Variants in COL22A1 observed in about 807,000 individuals in gnomAD.
COL22A1 encodes collagen alpha-1(XXII) chain.
A neutral mutation model predicts 248.9 loss-of-function variants in COL22A1; 221 were observed. The observed-to-expected ratio is 0.89, with a 90% CI of 0.80 to 0.99. The LOEUF (loss-of-function observed/expected upper bound fraction) is 0.99, where lower values mean the gene tolerates loss of function less well. Ranked by LOEUF, COL22A1 falls within the 50% of genes least tolerant of loss-of-function variation. The pLI is 0.00. For synonymous variants in COL22A1, 891 were observed against 793.4 expected (o/e 1.12, Z -2.07); for missense variants, 2,240 against 2,179.0 (o/e 1.03, Z -0.56).
chr8:138,879,008 A>AAAAACAAAAC (rs71316369), intron 2 of COL22A1, among the ~76,000 whole-genome samples: 99,205 of 151,266 alleles, frequency 0.66, 33,728 homozygotes, highest in East Asian at 0.88. Context: ...ACTCTGTCTC[A>AAAAACAAAAC]AAAACAAAAC....
intron 1 of COL22A1, among the ~76,000 whole-genome samples, 169 bp downstream of exon 1, chr8:138,913,450 C>T (rs184187561): frequency 3.0e-4 from 45 of 152,250 alleles, no homozygotes; most frequent in African/African-American, 1.1e-3. Context: ...CCCTAAAGAG[C>T]GAAGTGTGCT....
rs184769692 is a variant in COL22A1, at chr8:138,740,348, G to A, written c.2086-2771C>T. Among the ~76,000 whole-genome samples, 6 of 152,268 alleles carry A rather than the reference G, an allele frequency of 3.9e-5. No homozygotes were observed. The East Asian group carries it at 1.2e-3, about 29-fold the overall frequency. On this transcript the variant is annotated intron_variant, in intron 22 of 64. Transcript: ENST00000303045. ...GAGAGAGAAGAGATGCAGAGGTCTG[G>A]GCCATGACTGAGCAGAATGACTCAT...
chr8:138,844,183 G>A (rs775690619), intron 3 of COL22A1, 25 bp from the exon 4 acceptor site: 5 of 1,607,556 alleles, frequency 3.1e-6, no homozygotes, highest in Middle Eastern at 1.7e-4. Flanking sequence ...AGGAAACAGA[G>A]ACTGATGAGA....
chr8:138,724,461 A>G (rs924739692), intron 25 of COL22A1, among the ~76,000 whole-genome samples, 154 bp downstream of exon 25: 8 of 152,180 alleles, frequency 5.3e-5, no homozygotes, highest in Non-Finnish European at 1.2e-4. Flanking sequence ...CACAGAAAGA[A>G]GACCCAGCTG....
At chr8:138,842,503 C>T (rs997137027) in intron 4 of COL22A1, among the ~76,000 whole-genome samples, 5 of 152,236 alleles carry the variant, frequency 3.3e-5, no homozygotes, top group East Asian at 1.9e-4. Flanking sequence ...GGAAAAGTTG[C>T]GCAGACACAT....
chr8:138,781,375 T>G (rs1264711380), intron 12 of COL22A1, among the ~76,000 whole-genome samples: 2 of 152,000 alleles, frequency 1.3e-5, no homozygotes, highest in Non-Finnish European at 2.9e-5. Flanking sequence ...GACATCTGAC[T>G]GGATGAGCCT....
In COL22A1 at chr8:138,623,267, TGTGTGTG is replaced by T. The variant is rs1564109274; in HGVS notation, c.3771+458_3771+464del. 4.4e-3 allele frequency among the ~76,000 whole-genome samples: 19 copies of T among 4,272 alleles called. No individual in the cohort carries two copies. The South Asian group carries it at 0.048, about 11-fold the overall frequency. 2.8% of individuals were successfully genotyped at this position (4,272 alleles called of 152,430 possible). ...ATATATATATATATATATTTATGTG[TGTGTGTG>T]TGTGTGTGTGTGTGTGTGTGTGTAA... is the stretch of plus-strand genomic sequence containing the variant. On this transcript the variant is annotated intron_variant, in intron 52 of 64. Transcript: ENST00000303045.
At position 138,597,382 on chromosome 8, in the gene COL22A1, A is replaced by G. The variant is rs186012178; in HGVS notation, c.4366-412T>C. On this transcript the variant is annotated intron_variant, in intron 61 of 64. Transcript: ENST00000303045. ...GGACATAGCCTACAGGCTGCCTTCTATGTGAACTCATGTGGATTTCCCCTG... is the reference window on the plus strand; with the variant it reads ...GGACATAGCCTACAGGCTGCCTTCTGTGTGAACTCATGTGGATTTCCCCTG... Among the ~76,000 whole-genome samples, 47 of 152,212 alleles carry G rather than the reference A, an allele frequency of 3.1e-4. No homozygotes were observed. In the East Asian group the frequency reaches 3.1e-3, roughly 10 times the overall value.
At chr8:138,912,479 G>A (rs1815517878) in intron 1 of COL22A1, among the ~76,000 whole-genome samples, 1 of 152,228 alleles carries the variant, frequency 6.6e-6, no homozygotes, top group Non-Finnish European at 1.5e-5. Flanking sequence ...GGTGGCTCAT[G>A]CCTGTAACCC....
intron 37 of COL22A1, among the ~76,000 whole-genome samples, chr8:138,685,974 T>G (rs1237045355): frequency 1.3e-5 from 2 of 152,112 alleles, no homozygotes; most frequent in Non-Finnish European, 2.9e-5. Flanking sequence ...AGCCCTCATT[T>G]CTGCTTGAAC....
chr8:138,624,031 A>G (rs1356413021), intron 51 of COL22A1, among the ~76,000 whole-genome samples: 1 of 152,126 alleles, frequency 6.6e-6, no homozygotes, highest in Non-Finnish European at 1.5e-5. Context: ...ACATTTTGTA[A>G]TAGCATTATT....
chr8:138,626,621 C>T (rs1224490538), intron 50 of COL22A1, among the ~76,000 whole-genome samples: 1 of 152,198 alleles, frequency 6.6e-6, no homozygotes, highest in East Asian at 1.9e-4. Context: ...ACATTCTCTA[C>T]CCATACAGCA....
intron 56 of COL22A1, 136 bp from the exon 57 acceptor site, chr8:138,608,125 C>T (rs1818569418): frequency 3.4e-6 from 2 of 592,004 alleles, no homozygotes; most frequent in South Asian, 5.1e-5. Flanking sequence ...CTCAGTCTAC[C>T]ACTTCATTAC....
intron 49 of COL22A1, among the ~76,000 whole-genome samples, chr8:138,634,126 C>T (rs4909815): frequency 0.92 from 140,566 of 152,256 alleles, 65,563 homozygotes; most frequent in East Asian, 1. Flanking sequence ...AACAACTTAA[C>T]TTATTCCACT....
At chr8:138,599,243 G>A (rs954991054) in intron 60 of COL22A1, among the ~76,000 whole-genome samples, 2 of 152,126 alleles carry the variant, frequency 1.3e-5, no homozygotes, top group African/African-American at 2.4e-5. Flanking sequence ...CTGGGAGGCC[G>A]AGGCAGGCAG....
At chr8:138,605,699 G>C (rs1818368626) in intron 58 of COL22A1, among the ~76,000 whole-genome samples, 1 of 152,158 alleles carries the variant, frequency 6.6e-6, no homozygotes, top group South Asian at 2.1e-4. Context: ...AGTCCAGGGA[G>C]TGGACTGCAA....
chr8:138,882,592 TCACA>T (rs566519736), intron 2 of COL22A1, among the ~76,000 whole-genome samples: 3 of 118,606 alleles, frequency 2.5e-5, no homozygotes, highest in Non-Finnish European at 5.2e-5. Context: ...ACTGTCAAAC[TCACA>T]CACTCCCTCA....
At position 138,610,632 on chromosome 8, in the gene COL22A1, A is replaced by C. The variant is rs560538063; in HGVS notation, c.3979-2643T>G. On this transcript the variant is annotated intron_variant, in intron 56 of 64. Transcript: ENST00000303045. ...ATTGATAGGAGCAAGCTAGAACCAC[A>C]CAGCGGCCTCTGGGGGCCTTGGGAT... Among the ~76,000 whole-genome samples, 343 of 152,316 alleles carry C rather than the reference A, an allele frequency of 2.3e-3. 2 individuals carry two copies. Among genetic ancestry groups the C allele is most frequent in the African/African-American group, 8.1e-3 (335 of 41,558 alleles).
intron 37 of COL22A1, among the ~76,000 whole-genome samples, chr8:138,686,194 G>C (rs1826332791): frequency 6.6e-6 from 1 of 152,222 alleles, no homozygotes; most frequent in Non-Finnish European, 1.5e-5. Flanking sequence ...AGCTGCAATG[G>C]AGAGAGCAAG....
Sources: gnomAD v4.1 joint callset for allele counts (sites outside exome capture counted in the v4.1 genomes callset) on GRCh38, gnomAD v4.1.1 for gene constraint, MANE v1.5 for transcripts, NCBI Gene and HGNC (gene_info 2026-07-23, HGNC 2026-07-21) for gene names.